Variants in NUP155 observed in about 807,000 individuals in gnomAD.
The protein encoded by NUP155 is nuclear pore complex protein Nup155.
Under a neutral mutation model 180.4 loss-of-function variants are expected in NUP155, and 71 were observed. The ratio of observed to expected loss-of-function variants is 0.39; its 90% CI spans 0.33 to 0.48. NUP155 has a LOEUF of 0.48. Among genes scored for constraint, NUP155 ranks in the 20% least tolerant of loss-of-function variants. The pLI is 0.91. For missense variants in NUP155, 1,553 were observed against 1,648.9 expected (o/e 0.94, Z 1.01); for synonymous variants, 582 against 559.5 (o/e 1.04, Z -0.57).
intron 1 of NUP155, among the ~76,000 whole-genome samples, chr5:37,369,263 C>A (rs924302297): frequency 2.0e-5 from 3 of 151,756 alleles, no homozygotes; most frequent in African/African-American, 7.3e-5. Context: ...AAAAAAAGAA[C>A]AAGAAAAAGA....
At chr5:37,352,336 C>T (rs987799389) in intron 5 of NUP155, among the ~76,000 whole-genome samples, 12 of 151,814 alleles carry the variant, frequency 7.9e-5, no homozygotes, top group African/African-American at 2.7e-4. Context: ...CCAGCCCGGG[C>T]GACAGTGCAA....
At chr5:37,320,968 G>C (rs1744205649) in intron 20 of NUP155, among the ~76,000 whole-genome samples, 1 of 152,086 alleles carries the variant, frequency 6.6e-6, no homozygotes, top group Non-Finnish European at 1.5e-5. Context: ...GGTAGAGAGA[G>C]GCCTGATCAA....
chr5:37,353,942 T>C (rs1746637541), intron 4 of NUP155, among the ~76,000 whole-genome samples: 1 of 152,196 alleles, frequency 6.6e-6, no homozygotes, highest in Non-Finnish European at 1.5e-5. Context: ...ATGGCAAAGT[T>C]TGTATTATGT....
At chr5:37,352,311 T>C (rs1300883966) in intron 5 of NUP155, among the ~76,000 whole-genome samples, 1 of 151,958 alleles carries the variant, frequency 6.6e-6, no homozygotes, top group African/African-American at 2.4e-5. Flanking sequence ...TGAGCCAAGA[T>C]TGCACCACTA....
intron 20 of NUP155, among the ~76,000 whole-genome samples, chr5:37,323,169 A>G (rs1040583096): frequency 2.0e-5 from 3 of 149,190 alleles, no homozygotes; most frequent in Non-Finnish European, 3.0e-5. Context: ...TCTGTAATCT[A>G]AGCTACTTGG....
At chr5:37,311,745 C>T (rs1400894203) in intron 22 of NUP155, among the ~76,000 whole-genome samples, 2 of 151,482 alleles carry the variant, frequency 1.3e-5, no homozygotes, top group East Asian at 1.9e-4. Context: ...TTTGGCCGGG[C>T]ATGGTGGCTC....
chr5:37,299,366 T>C (rs1434342274), intron 31 of NUP155, 82 bp downstream of exon 31: 3 of 1,529,506 alleles, frequency 2.0e-6, no homozygotes, highest in Non-Finnish European at 2.7e-6. Context: ...GCAGCTTGCA[T>C]TATATTAGTT....
At chr5:37,321,243 G>A (rs986431626) in intron 20 of NUP155, among the ~76,000 whole-genome samples, 2 of 152,216 alleles carry the variant, frequency 1.3e-5, no homozygotes, top group African/African-American at 4.8e-5. Context: ...CTACTTGGAA[G>A]GGTGAGGCAG....
At chr5:37,331,408 C>G (rs1744955012) in intron 14 of NUP155, among the ~76,000 whole-genome samples, 1 of 152,076 alleles carries the variant, frequency 6.6e-6, no homozygotes, top group Non-Finnish European at 1.5e-5. Flanking sequence ...AACTCTGTCT[C>G]TACTAAAAAT....
chr5:37,309,426 T>C, intron 23 of NUP155, 159 bp from the exon 24 acceptor site: 2 of 651,128 alleles, frequency 3.1e-6, no homozygotes, highest in South Asian at 4.0e-5. Flanking sequence ...GGCAGAAAAG[T>C]TTTTGACCAA....
chr5:37,354,268 T>A (rs1746662271), intron 4 of NUP155, among the ~76,000 whole-genome samples: 2 of 151,832 alleles, frequency 1.3e-5, no homozygotes, highest in Admixed American at 1.3e-4. Context: ...TGCCTCAGCC[T>A]CCCGAGTAGG....
chr5:37,351,685 G>A (rs1322103890), intron 5 of NUP155, among the ~76,000 whole-genome samples: 4 of 151,814 alleles, frequency 2.6e-5, no homozygotes, highest in Admixed American at 1.3e-4. Context: ...TCCTGATCTC[G>A]TGATCCGCCT....
At chr5:37,334,351 T>C (rs973969146) in intron 12 of NUP155, among the ~76,000 whole-genome samples, 1 of 151,692 alleles carries the variant, frequency 6.6e-6, no homozygotes, top group African/African-American at 2.4e-5. Flanking sequence ...AGTCTGCCCA[T>C]CTTGGCCTCT....
At chr5:37,333,284 G>A (rs577920503) in intron 13 of NUP155, among the ~76,000 whole-genome samples, 179 bp downstream of exon 13, 9 of 152,148 alleles carry the variant, frequency 5.9e-5, no homozygotes, top group African/African-American at 1.4e-4. Flanking sequence ...GATCTGGGGA[G>A]GCAGAGGTTG....
Position 37,291,758 on chromosome 5 carries a change from A to ATT in NUP155, c.*140_*141dup. The ATT allele has an allele frequency of 1.4e-6, 1 of 701,124 alleles. No individual in the cohort carries two copies. Among genetic ancestry groups the ATT allele is most frequent in the Non-Finnish European group, 2.4e-6 (1 of 416,984 alleles). 43.4% of individuals were successfully genotyped at this position (701,124 alleles called of 1,614,324 possible). A position where few individuals can be genotyped will look rare whatever the true frequency, so the allele number is the denominator to read the frequency against. On this transcript the variant is annotated 3_prime_UTR_variant, in exon 35 of 35. Transcript: ENST00000231498. ...AAAGAATTCATTTAGCAAAGGTACT[A>ATT]TTTGTAGATATTAGCCACTTATTAA...
chr5:37,307,739 T>C (rs1743248407), intron 24 of NUP155, among the ~76,000 whole-genome samples: 1 of 151,882 alleles, frequency 6.6e-6, no homozygotes, highest in Non-Finnish European at 1.5e-5. Context: ...CTGACCAACA[T>C]GGTGAAACCC....
At chr5:37,300,822 ATTT>A (rs1241491895) in intron 30 of NUP155, among the ~76,000 whole-genome samples, 17 of 138,932 alleles carry the variant, frequency 1.2e-4, no homozygotes, top group Non-Finnish European at 1.1e-4. Context: ...CACCTGGCTA[ATTT>A]TTTTTTTTTT....
At chr5:37,314,576 G>A (rs565448154) in intron 21 of NUP155, among the ~76,000 whole-genome samples, 7 of 152,294 alleles carry the variant, frequency 4.6e-5, no homozygotes, top group Admixed American at 3.9e-4. Context: ...GGTGGCTCAC[G>A]CCTGTAATCC....
At chr5:37,352,039 A>G (rs1325425434) in intron 5 of NUP155, among the ~76,000 whole-genome samples, 2 of 151,954 alleles carry the variant, frequency 1.3e-5, no homozygotes, top group African/African-American at 4.8e-5. Flanking sequence ...CCTGACCAAC[A>G]TGAAGACACC....
Sources: allele counts gnomAD v4.1 joint callset (sites outside exome capture counted in the v4.1 genomes callset), GRCh38; gene constraint gnomAD v4.1.1; transcripts MANE v1.5; gene names NCBI Gene and HGNC (gene_info 2026-07-23, HGNC 2026-07-21).